SGCZ: variants seen among roughly 807,000 people sequenced by gnomAD.
SGCZ encodes zeta-sarcoglycan.
Under a neutral mutation model 41.3 loss-of-function variants are expected in SGCZ, and 40 were observed. The observed-to-expected ratio is 0.97, with a 90% CI of 0.75 to 1.26. The LOEUF (loss-of-function observed/expected upper bound fraction) is 1.26. Ranked by LOEUF, SGCZ falls within the 50% of genes most tolerant of loss-of-function variation. The pLI is 0.00. For synonymous variants in SGCZ, 206 were observed against 137.5 expected (o/e 1.50, Z -3.49); for missense variants, 552 against 369.8 (o/e 1.49, Z -4.04).
intron 1 of SGCZ, among the ~76,000 whole-genome samples, chr8:14,819,688 A>C (rs1030247286): frequency 6.6e-6 from 1 of 152,184 alleles, no homozygotes; most frequent in African/African-American, 2.4e-5. Flanking sequence ...AGGAACACAC[A>C]ACAGATAAAT....
At chr8:14,536,614 C>A (rs998358301) in intron 2 of SGCZ, among the ~76,000 whole-genome samples, 2 of 151,746 alleles carry the variant, frequency 1.3e-5, no homozygotes, top group African/African-American at 4.8e-5. Context: ...AAGGTTTTGA[C>A]TGGTGATTTT....
At position 14,479,731 on chromosome 8, in the gene SGCZ, C is replaced by CTTCTT. The variant is rs1421864084; in HGVS notation, c.234+75000_234+75001insAAGAA. On this transcript the variant is annotated intron_variant, in intron 2 of 7. Transcript: ENST00000382080. The stretch of plus-strand genomic sequence containing the variant: ...GTCGCATACCTCCAGAATTCTACTT[C>CTTCTT]TTTTTTTTTTTTTTTTTTTTTTTTT... 4.7e-4 allele frequency among the ~76,000 whole-genome samples: 25 copies of CTTCTT among 52,966 alleles called. 1 individual carries two copies. Among genetic ancestry groups the CTTCTT allele is most frequent in the African/African-American group, 1.3e-3 (25 of 19,794 alleles). 34.7% of individuals were successfully genotyped at this position (52,966 alleles called of 152,430 possible). A position where few individuals can be genotyped will look rare whatever the true frequency, so the allele number is the denominator to read the frequency against.
At chr8:14,247,635 G>A (rs1043142532) in intron 3 of SGCZ, among the ~76,000 whole-genome samples, 2 of 152,142 alleles carry the variant, frequency 1.3e-5, no homozygotes, top group South Asian at 2.1e-4. Flanking sequence ...TTTCCTCTTA[G>A]GCAACATTTG....
intron 1 of SGCZ, among the ~76,000 whole-genome samples, chr8:14,678,083 T>C (rs1339447186): frequency 1.3e-5 from 2 of 152,130 alleles, no homozygotes; most frequent in African/African-American, 4.8e-5. Context: ...CACAGAACTG[T>C]AAAATTTCAA....
chr8:14,745,829 T>C (rs986923984), intron 1 of SGCZ, among the ~76,000 whole-genome samples: 4 of 152,106 alleles, frequency 2.6e-5, no homozygotes, highest in African/African-American at 7.2e-5. Flanking sequence ...GAATTTAGTA[T>C]ATTATTTTTA....
At chr8:14,299,474 C>A (rs566296414) in intron 3 of SGCZ, among the ~76,000 whole-genome samples, 31 of 151,894 alleles carry the variant, frequency 2.0e-4, no homozygotes, top group Non-Finnish European at 3.5e-4. Context: ...AGGAAAGACA[C>A]AAAATCCAAT....
intron 1 of SGCZ, among the ~76,000 whole-genome samples, chr8:15,007,817 T>TA (rs1416003682): frequency 1.1e-4 from 16 of 152,316 alleles, no homozygotes; most frequent in African/African-American, 3.8e-4. Context: ...TTATTGTTAT[T>TA]ACCTTGAGGA....
At chr8:14,227,469 C>T (rs1007801334) in intron 4 of SGCZ, among the ~76,000 whole-genome samples, 8 of 151,864 alleles carry the variant, frequency 5.3e-5, no homozygotes, top group Admixed American at 5.3e-4. Flanking sequence ...TTCATTTTTT[C>T]CATAGGATTA....
intron 4 of SGCZ, among the ~76,000 whole-genome samples, chr8:14,219,651 G>T (rs1806122905): frequency 6.6e-6 from 1 of 152,152 alleles, no homozygotes; most frequent in African/African-American, 2.4e-5. Context: ...GGAAGCTGAG[G>T]CAGGAGAATC....
chr8:15,127,070 T>C (rs530250913), intron 1 of SGCZ, among the ~76,000 whole-genome samples: 2 of 152,350 alleles, frequency 1.3e-5, no homozygotes, highest in African/African-American at 4.8e-5. Context: ...AGGATGACAC[T>C]TCACTTTAAG....
chr8:14,210,140 C>T (rs766677337), intron 4 of SGCZ, among the ~76,000 whole-genome samples: 2 of 152,160 alleles, frequency 1.3e-5, no homozygotes, highest in African/African-American at 2.4e-5. Context: ...TCACAGCAAC[C>T]TCCGCCTACC....
chr8:14,577,501 G>A (rs1303562028), intron 1 of SGCZ, among the ~76,000 whole-genome samples: 1 of 145,328 alleles, frequency 6.9e-6, no homozygotes, highest in Non-Finnish European at 1.5e-5. Context: ...CAATTCTCCT[G>A]TCTCAGCCTC....
At chr8:14,781,991 T>C (rs117610742) in intron 1 of SGCZ, among the ~76,000 whole-genome samples, 6,182 of 152,282 alleles carry the variant, frequency 0.041, 154 homozygotes, top group Middle Eastern at 0.068. Flanking sequence ...AACTTGTAAA[T>C]TGAACCATCC....
At chr8:14,834,248 A>T (rs1041872606) in intron 1 of SGCZ, among the ~76,000 whole-genome samples, 1 of 152,240 alleles carries the variant, frequency 6.6e-6, no homozygotes, top group Non-Finnish European at 1.5e-5. Flanking sequence ...AATAGATTCT[A>T]TGGATTTATA....
At chr8:15,207,143 T>C (rs888934364) in intron 1 of SGCZ, among the ~76,000 whole-genome samples, 2 of 152,154 alleles carry the variant, frequency 1.3e-5, no homozygotes, top group Non-Finnish European at 2.9e-5. Flanking sequence ...TACAGGGACG[T>C]TAACAGAGTA....
intron 1 of SGCZ, among the ~76,000 whole-genome samples, chr8:14,594,931 A>G (rs376069757): frequency 1.3e-5 from 2 of 151,956 alleles, no homozygotes; most frequent in East Asian, 3.9e-4. Context: ...TGATAACTCA[A>G]TAGAGACTTG....
intron 1 of SGCZ, among the ~76,000 whole-genome samples, chr8:15,139,233 C>T (rs1808229528): frequency 6.6e-6 from 1 of 152,170 alleles, no homozygotes; most frequent in Non-Finnish European, 1.5e-5. Flanking sequence ...TTCATATCCT[C>T]AGTGCTTCCA....
At chr8:15,161,563 G>A (rs1420128605) in intron 1 of SGCZ, among the ~76,000 whole-genome samples, 1 of 152,128 alleles carries the variant, frequency 6.6e-6, no homozygotes, top group African/African-American at 2.4e-5. Context: ...GGGTCTCTGT[G>A]AAATGAATTA....
chr8:14,128,718 TACACACAC>T (rs144594296), intron 5 of SGCZ, among the ~76,000 whole-genome samples: 5 of 150,280 alleles, frequency 3.3e-5, no homozygotes, highest in South Asian at 2.1e-4. Context: ...TATATACATA[TACACACAC>T]ACACACACAC....
Sources: gnomAD v4.1 joint callset for allele counts (sites outside exome capture counted in the v4.1 genomes callset) on GRCh38, gnomAD v4.1.1 for gene constraint, MANE v1.5 for transcripts, NCBI Gene and HGNC (gene_info 2026-07-23, HGNC 2026-07-21) for gene names.